EXOC1: variants seen among roughly 807,000 people sequenced by gnomAD.
EXOC1 encodes the protein SEC3-like 1.
In EXOC1, 67 loss-of-function variants were observed where a neutral mutation model predicts 107.7. That is an observed-to-expected ratio of 0.62 (90% CI 0.51 to 0.76). EXOC1 has a LOEUF of 0.76. EXOC1 is among the 30% of genes least tolerant of loss of function. The pLI is 0.00. For synonymous variants in EXOC1, 348 were observed against 353.5 expected, an observed-to-expected ratio of 0.98 and a Z score of 0.17; for missense variants, 833 against 1,055.7, an observed-to-expected ratio of 0.79 and a Z score of 2.92.
rs576647007 is a variant in EXOC1, at chr4:55,855,799, T to C, written c.-11+1846T>C. On this transcript the variant is annotated intron_variant, in intron 1 of 18. Transcript: ENST00000381295. ...TAGAAAAGTAAACTGGCCAGTGCCA[T>C]TGTGGCTTGGGCTTAGGAAGAAATA... Among the ~76,000 whole-genome samples the C allele has an allele frequency of 4.6e-5, 7 of 152,254 alleles. No individual in the cohort carries two copies. In the South Asian group the frequency reaches 1.5e-3, roughly 32 times the overall value.
Position 55,883,897 on chromosome 4 carries a change from G to A in EXOC1, c.1299G>A (p.Met433Ile). 6.2e-7 allele frequency: 1 copy of A among 1,607,168 alleles called. No homozygotes were observed. The highest frequency in any genetic ancestry group is 1.3e-5 in the African/African-American group (1 of 74,642). The change falls in exon 10 of 19, where the codon ATG (methionine) becomes ATA (isoleucine). Residue 433 changes from methionine to isoleucine, a missense_variant. Around this residue, in one of 2 missense-constraint regions of EXOC1, gnomAD observed 617 missense variants for 701.3 expected, o/e 0.88. Transcript: ENST00000381295. ...KDFFEVAKIK[M>I]TGTTKESKKF... is the part of the protein sequence containing the mutation. ...TCTTTGAAGTTGCAAAGATCAAGAT[G>A]ACTGGCACAACTAAAGAAAGCAAGA...
chr4:55,872,845 C>A, intron 8 of EXOC1: 1 of 853,236 alleles, frequency 1.2e-6, no homozygotes, highest in Non-Finnish European at 1.4e-6. Context: ...TTCTCTGATT[C>A]TGTTTTTTTT....
intron 8 of EXOC1, chr4:55,876,164 C>T: frequency 1.0e-6 from 1 of 985,198 alleles, no homozygotes; most frequent in Non-Finnish European, 1.2e-6. Flanking sequence ...ATTGTTAGCC[C>T]TTACAGAAAA....
chr4:55,886,949 G>A (rs1273727762), intron 10 of EXOC1, among the ~76,000 whole-genome samples: 1 of 152,114 alleles, frequency 6.6e-6, no homozygotes, highest in African/African-American at 2.4e-5. Flanking sequence ...ACGTACCAGG[G>A]AAGTAGCTTT....
intron 10 of EXOC1, among the ~76,000 whole-genome samples, chr4:55,885,232 T>G (rs1723759214): frequency 1.3e-5 from 2 of 152,182 alleles, no homozygotes; most frequent in Admixed American, 6.5e-5. Flanking sequence ...TCCTTCAGTA[T>G]ATGAAAACTG....
Position 55,902,029 on chromosome 4 carries a change from G to T in EXOC1, c.2338-315G>T, listed in dbSNP as rs1378300264. The T allele has an allele frequency of 2.9e-5, 5 of 169,736 alleles. No individual in the cohort carries two copies. In the East Asian group the frequency reaches 7.5e-4, roughly 25 times the overall value. 10.5% of individuals were successfully genotyped at this position (169,736 alleles called of 1,614,324 possible). A position where few individuals can be genotyped will look rare whatever the true frequency, so the allele number is the denominator to read the frequency against. On this transcript the variant is annotated intron_variant, in intron 17 of 18. Coordinates refer to ENST00000381295, the MANE Select transcript of EXOC1 (RefSeq NM_001024924.2). Reference sequence around the variant, plus strand: ...AGTACTAGAGGAATGAATAATAATTGTGGTTCAGTCATTGTGTGAAATATT... The same window carrying T: ...AGTACTAGAGGAATGAATAATAATTTTGGTTCAGTCATTGTGTGAAATATT...
intron 3 of EXOC1, among the ~76,000 whole-genome samples, chr4:55,863,403 C>T (rs34522787): frequency 0.08 from 12,229 of 152,034 alleles, 632 homozygotes; most frequent in East Asian, 0.15. Context: ...TTTGGGAGGC[C>T]GAAGCAGGAG....
intron 14 of EXOC1, among the ~76,000 whole-genome samples, 185 bp from the exon 15 acceptor site, chr4:55,893,367 A>T (rs1577763666): frequency 6.6e-6 from 1 of 152,242 alleles, no homozygotes; most frequent in East Asian, 1.9e-4. Context: ...TGACCTGCAC[A>T]CCTTGGCCTC....
At chr4:55,875,156 G>A (rs1194736977) in intron 8 of EXOC1, among the ~76,000 whole-genome samples, 2 of 152,124 alleles carry the variant, frequency 1.3e-5, no homozygotes, top group African/African-American at 4.8e-5. Context: ...CTTAAGTTTA[G>A]AAATTTTTCT....
intron 1 of EXOC1, among the ~76,000 whole-genome samples, 177 bp from the exon 2 acceptor site, chr4:55,858,137 T>C (rs1040175931): frequency 1.3e-5 from 2 of 152,234 alleles, no homozygotes; most frequent in African/African-American, 4.8e-5. Context: ...TAACACTGGT[T>C]CTCTAATTTT....
intron 18 of EXOC1, among the ~76,000 whole-genome samples, chr4:55,902,908 G>A (rs1726132088): frequency 6.6e-6 from 1 of 151,938 alleles, no homozygotes; most frequent in Non-Finnish European, 1.5e-5. Context: ...TTCCTTATTT[G>A]ATAAGTGGAA....
Position 55,871,842 on chromosome 4 carries a change from G to A in EXOC1, c.965-7G>A, listed in dbSNP as rs755311628. 5 of 1,612,804 alleles carry A rather than the reference G, an allele frequency of 3.1e-6. No homozygotes were observed. Among genetic ancestry groups the A allele is most frequent in the Non-Finnish European group, 8.5e-7 (1 of 1,179,338 alleles). On this transcript the variant is annotated splice_polypyrimidine_tract_variant and splice_region_variant and intron_variant, in intron 7 of 18. Transcript: ENST00000381295. ...TAAACTGGTCACAAAATGTCGTTCTGTGTCAGGCCATGACTTGCTTCTGGC... is the reference window on the plus strand; with the variant it reads ...TAAACTGGTCACAAAATGTCGTTCTATGTCAGGCCATGACTTGCTTCTGGC...
rs1030813287 is a variant in EXOC1, at chr4:55,869,811, G to A, written c.604-867G>A. Among the ~76,000 whole-genome samples the A allele has an allele frequency of 2.6e-5, 4 of 152,170 alleles. No individual in the cohort carries two copies. In the South Asian group the frequency reaches 8.3e-4, roughly 32 times the overall value. On this transcript the variant is annotated intron_variant, in intron 5 of 18. Coordinates refer to ENST00000381295, the MANE Select transcript of EXOC1 (RefSeq NM_001024924.2). Reference sequence around the variant, plus strand: ...GAAACCACAGCGTCAGCTGTACAATGATATCCTTTAAATTTCTGGTCCAGG... The same window carrying A: ...GAAACCACAGCGTCAGCTGTACAATAATATCCTTTAAATTTCTGGTCCAGG...
In EXOC1 at chr4:55,868,472, TG is replaced by T; in HGVS notation, c.553del (p.Ala185ArgfsTer15). On this transcript the variant is annotated frameshift_variant, in exon 5 of 19. Coordinates refer to ENST00000381295, the MANE Select transcript of EXOC1 (RefSeq NM_001024924.2). LOFTEE classifies it high-confidence loss of function. Reference sequence around the variant, plus strand: ...AAGGCTGTGAATATGCAATCTCGAATGCGGAAGCCTTTGCAGAAAAATTGTC... The same window carrying T: ...AAGGCTGTGAATATGCAATCTCGAATCGGAAGCCTTTGCAGAAAAATTGTC... ...MEGCEYAISN[A>X]EAFAEKLSRE... 2 of 1,613,928 alleles carry T rather than the reference TG, an allele frequency of 1.2e-6. No individual in the cohort carries two copies. Among genetic ancestry groups the T allele is most frequent in the Non-Finnish European group, 1.7e-6 (2 of 1,179,842 alleles).
intron 4 of EXOC1, 105 bp downstream of exon 4, chr4:55,864,491 A>G (rs1721776947): frequency 2.7e-5 from 27 of 996,700 alleles, no homozygotes; most frequent in Middle Eastern, 3.3e-4. Context: ...TCTTATCGTA[A>G]AAGAACTTTA....
chr4:55,891,760 T>C (rs1183343980), intron 13 of EXOC1, among the ~76,000 whole-genome samples: 2 of 143,082 alleles, frequency 1.4e-5, no homozygotes, highest in Admixed American at 6.7e-5. Flanking sequence ...TCAAGATAAA[T>C]ATAATGTTTT....
chr4:55,858,205 A>G, intron 1 of EXOC1, 109 bp from the exon 2 acceptor site: 1 of 1,134,902 alleles, frequency 8.8e-7, no homozygotes, highest in Non-Finnish European at 1.2e-6. Context: ...ATATTAAATC[A>G]TTTTTCCTAG....
At chr4:55,902,659 C>T (rs1205179031) in intron 18 of EXOC1, 121 bp downstream of exon 18, 1 of 655,920 alleles carries the variant, frequency 1.5e-6, no homozygotes, top group Non-Finnish European at 2.3e-6. Flanking sequence ...AGAGTACAGA[C>T]CAGATTAATG....
chr4:55,875,983 G>A, intron 8 of EXOC1: 3 of 962,050 alleles, frequency 3.1e-6, no homozygotes, highest in Non-Finnish European at 3.7e-6. Flanking sequence ...TATCTGGCTA[G>A]TATCTAATAC....
Sources: gnomAD v4.1 joint callset for allele counts (sites outside exome capture counted in the v4.1 genomes callset) on GRCh38, gnomAD v4.1.1 for gene constraint, gnomAD v4.1.1 regional missense constraint, MANE v1.5 for transcripts, NCBI Gene and HGNC (gene_info 2026-07-23, HGNC 2026-07-21) for gene names.